The following CHL1 variants were observed in gnomAD, a reference collection of about 807,000 sequenced individuals.
CHL1 encodes cell adhesion molecule L1 like.
Under a neutral mutation model 141.9 loss-of-function variants are expected in CHL1, and 96 were observed. The observed-to-expected ratio is 0.68, with a 90% CI of 0.57 to 0.80. The LOEUF is 0.80. Ranked by LOEUF, CHL1 falls within the 30% of genes least tolerant of loss-of-function variation. The pLI is 0.00. For missense variants in CHL1, 1,820 were observed against 1,457.2 expected (o/e 1.25, Z -4.05); for synonymous variants, 613 against 502.2 (o/e 1.22, Z -2.95).
intron 1 of CHL1, chr3:197,335 T>A (rs1377549367): frequency 6.5e-6 from 1 of 153,474 alleles, no homozygotes; most frequent in Non-Finnish European, 1.5e-5. Flanking sequence ...GGCGCCCGAA[T>A]CCGCCGGGTC....
At chr3:277,583 C>A (rs566800456) in intron 2 of CHL1, among the ~76,000 whole-genome samples, 12 of 152,168 alleles carry the variant, frequency 7.9e-5, no homozygotes, top group Admixed American at 7.8e-4. Flanking sequence ...ACTCACTGTA[C>A]TTGGGATTTA....
At chr3:307,002 T>C (rs1196416828) in intron 2 of CHL1, among the ~76,000 whole-genome samples, 4 of 152,190 alleles carry the variant, frequency 2.6e-5, no homozygotes, top group Admixed American at 6.5e-5. Context: ...TTAAGGCTAA[T>C]GGTGTATAAC....
intron 11 of CHL1, among the ~76,000 whole-genome samples, chr3:358,207 G>A (rs73103184): frequency 8.8e-4 from 134 of 152,254 alleles, no homozygotes; most frequent in African/African-American, 3.0e-3. Context: ...TGCTTGGAGA[G>A]CATTCCTTCG....
chr3:202,235 C>A (rs965019387), intron 1 of CHL1, among the ~76,000 whole-genome samples: 3 of 152,226 alleles, frequency 2.0e-5, no homozygotes, highest in Non-Finnish European at 4.4e-5. Flanking sequence ...AGATTAGTAG[C>A]ACGGTTTTTT....
At chr3:284,769 CT>C (rs35084231) in intron 2 of CHL1, among the ~76,000 whole-genome samples, 15,092 of 148,614 alleles carry the variant, frequency 0.1, 2,473 homozygotes, top group African/African-American at 0.35. Flanking sequence ...GCGTATTCAT[CT>C]TTTTTTTTTT....
chr3:405,639 C>A lies in CHL1; in HGVS notation c.3603C>A (p.Tyr1201Ter). The A allele has an allele frequency of 6.2e-7, 1 of 1,613,502 alleles. No individual in the cohort carries two copies. Among genetic ancestry groups the A allele is most frequent in the East Asian group, 2.2e-5 (1 of 44,858 alleles). ...FSEDGSFIGA[Y>*]AGSKEKGSVE... is the part of the protein sequence containing the mutation. ...AAGATGGATCATTTATTGGTGCCTA[C>A]GCTGGATCTAAGGAGAAGGGATCTG... Residue 1201 changes from tyrosine (Y) to a stop codon, truncating the protein, a stop_gained, in exon 28 of 28, where the codon TAC becomes TAA. Transcript: ENST00000256509. LOFTEE classifies it high-confidence loss of function.
intron 23 of CHL1, among the ~76,000 whole-genome samples, chr3:392,951 T>C (rs1479127813): frequency 2.1e-5 from 1 of 47,726 alleles, no homozygotes; most frequent in Non-Finnish European, 8.6e-5. Flanking sequence ...AATGAGGGAA[T>C]TGATGTACAT....
chr3:242,669 C>T (rs1053542724), intron 1 of CHL1, among the ~76,000 whole-genome samples: 11 of 117,486 alleles, frequency 9.4e-5, no homozygotes, highest in Admixed American at 2.2e-4. Flanking sequence ...ACACTAAGAA[C>T]ACATGCACAC....
chr3:401,604 C>A, intron 26 of CHL1, 22 bp from the exon 27 acceptor site: 2 of 1,449,332 alleles, frequency 1.4e-6, no homozygotes, highest in South Asian at 1.2e-5. Context: ...ATTACTTTTC[C>A]CACTTTTTTT....
intron 24 of CHL1, 138 bp from the exon 25 acceptor site, chr3:398,089 G>T: frequency 2.1e-6 from 1 of 468,722 alleles, no homozygotes; most frequent in Non-Finnish European, 3.7e-6. Context: ...TGATTTTCTT[G>T]ATCTCCTGGT....
rs1211448208 is a variant in CHL1, at chr3:197,034, C to G, written c.-204C>G. 6.6e-6 allele frequency: 1 copy of G among 152,032 alleles called. No individual in the cohort carries two copies. The highest frequency in any genetic ancestry group is 2.4e-5 in the African/African-American group (1 of 41,320). 9.4% of individuals were successfully genotyped at this position (152,032 alleles called of 1,614,324 possible). ...GGAGAAGGCGCCCGAGGGGAGGCGC[C>G]GGACAGATCGCGTTTCGGAGGCGGC... On this transcript the variant is annotated 5_prime_UTR_variant, in exon 1 of 28. Transcript: ENST00000256509.
chr3:305,501 T>C (rs1264757632), intron 2 of CHL1, among the ~76,000 whole-genome samples: 1 of 152,058 alleles, frequency 6.6e-6, no homozygotes, highest in Non-Finnish European at 1.5e-5. Context: ...TCACAGTTTC[T>C]CCTTCAGTAA....
rs76802493 is a variant in CHL1 at position 274,478 on chromosome 3, G to A, written c.-95+29786G>A. Among the ~76,000 whole-genome samples the A allele has an allele frequency of 9.7e-3, 1,478 of 152,308 alleles. 28 individuals carry two copies. Among genetic ancestry groups the A allele is most frequent in the African/African-American group, 0.033 (1,391 of 41,566 alleles). ...AAACAGCAGAATACATATACCCACT[G>A]TTCAGATTAGCTAAATGGGGAAATA... On this transcript the variant is annotated intron_variant, in intron 2 of 27. Transcript: ENST00000256509.
chr3:382,072 A>G, intron 16 of CHL1, 107 bp from the exon 17 acceptor site: 1 of 842,426 alleles, frequency 1.2e-6, no homozygotes, highest in South Asian at 1.7e-5. Context: ...CCAGGTCCCT[A>G]AGAGGGTGGT....
intron 1 of CHL1, among the ~76,000 whole-genome samples, chr3:231,829 G>C (rs201964988): frequency 1.3e-5 from 2 of 151,944 alleles, no homozygotes; most frequent in East Asian, 3.9e-4. Context: ...CACCCTCCTT[G>C]GCCTCTCAAA....
In CHL1 at chr3:365,995, A is replaced by G. The variant is rs142170850; in HGVS notation, c.1631A>G (p.Lys544Arg). The G allele has an allele frequency of 9.9e-6, 16 of 1,613,558 alleles. No individual in the cohort carries two copies. Among genetic ancestry groups the G allele is most frequent in the South Asian group, 3.3e-5 (3 of 91,062 alleles). Residue 544 changes from lysine (K) to arginine (R), a missense_variant, in exon 15 of 28, where the codon AAA becomes AGA. Lys to Arg is a conservative substitution (Grantham distance 26, BLOSUM62 2). Coordinates refer to ENST00000256509, the MANE Select transcript of CHL1 (RefSeq NM_006614.4). ...TCTCCTAAGAATCCTCGTATCCCCA[A>G]ATTGCATATGCTTGAATTACATTGT... ...RVSPKNPRIP[K>R]LHMLELHCES...
chr3:331,811 TA>T (rs564284231), intron 5 of CHL1, among the ~76,000 whole-genome samples: 109 of 152,258 alleles, frequency 7.2e-4, no homozygotes, highest in South Asian at 3.7e-3. Context: ...GGAGGGCCAA[TA>T]AAAATGTGAA....
intron 1 of CHL1, among the ~76,000 whole-genome samples, chr3:225,603 C>CTT (rs397724345): frequency 2.6e-5 from 4 of 151,914 alleles, no homozygotes; most frequent in Non-Finnish European, 5.9e-5. Flanking sequence ...AGTTCAATTA[C>CTT]ACAGACGTAT....
intron 12 of CHL1, among the ~76,000 whole-genome samples, chr3:360,675 G>T (rs1356124396): frequency 6.7e-6 from 1 of 149,392 alleles, no homozygotes. Context: ...GTGCCATGCT[G>T]GTGCGCTGCA....
Sources: gnomAD v4.1 joint callset for allele counts (sites outside exome capture counted in the v4.1 genomes callset) on GRCh38, gnomAD v4.1.1 for gene constraint, MANE v1.5 for transcripts, NCBI Gene and HGNC (gene_info 2026-07-23, HGNC 2026-07-21) for gene names.